Variants in ADAMTS18 observed in about 807,000 individuals in gnomAD.
ADAMTS18 encodes ADAM metallopeptidase with thrombospondin type 1 motif 18.
Under a neutral mutation model 165.9 loss-of-function variants are expected in ADAMTS18, and 157 were observed. The ratio of observed to expected loss-of-function variants is 0.95; its 90% confidence interval spans 0.83 to 1.08. The LOEUF (loss-of-function observed/expected upper bound fraction) is 1.08. ADAMTS18 is among the 50% of genes least tolerant of loss of function. The probability of loss-of-function intolerance (pLI) is 0.00; values close to 1 mark genes in which losing one functional copy is unlikely to be tolerated. For missense variants in ADAMTS18, 2,040 were observed against 1,534.0 expected (o/e 1.33, Z -5.51); for synonymous variants, 782 against 578.2 (o/e 1.35, Z -5.06).
intron 10 of ADAMTS18, among the ~76,000 whole-genome samples, chr16:77,342,537 C>A (rs969380103): frequency 6.6e-6 from 1 of 152,166 alleles, no homozygotes; most frequent in African/African-American, 2.4e-5. Context: ...GTGATCCTCC[C>A]ACCTCAGTCT....
At chr16:77,401,716 G>A (rs2057334188) in intron 3 of ADAMTS18, among the ~76,000 whole-genome samples, 2 of 152,166 alleles carry the variant, frequency 1.3e-5, no homozygotes, top group Admixed American at 6.5e-5. Context: ...AGACTAAAGA[G>A]GATTCACCCT....
intron 11 of ADAMTS18, among the ~76,000 whole-genome samples, chr16:77,336,999 C>G (rs1337329718): frequency 6.6e-6 from 1 of 152,158 alleles, no homozygotes; most frequent in East Asian, 1.9e-4. Flanking sequence ...TTCACTTATC[C>G]CCTGCGATAC....
intron 3 of ADAMTS18, among the ~76,000 whole-genome samples, chr16:77,419,362 G>A (rs2057571642): frequency 6.6e-6 from 1 of 152,198 alleles, no homozygotes; most frequent in South Asian, 2.1e-4. Context: ...TTTCCCTGCT[G>A]TCAGCTAGAG....
chr16:77,364,674 T>A (rs1597175691), intron 4 of ADAMTS18, among the ~76,000 whole-genome samples: 1 of 144,452 alleles, frequency 6.9e-6, no homozygotes, highest in Admixed American at 7.1e-5. Flanking sequence ...GGTAGGTGGG[T>A]AGAAATAAAT....
chr16:77,317,357 T>G (rs1023362122), intron 16 of ADAMTS18, among the ~76,000 whole-genome samples: 26 of 152,034 alleles, frequency 1.7e-4, no homozygotes, highest in Admixed American at 1.3e-3. Context: ...TGAGATGGAG[T>G]CTCACTCACT....
chr16:77,360,572 C>T (rs1377122371), intron 7 of ADAMTS18, among the ~76,000 whole-genome samples: 1 of 112,970 alleles, frequency 8.9e-6, no homozygotes, highest in Non-Finnish European at 2.1e-5. Context: ...TTCTCAGAAT[C>T]TCTCTTGAAA....
intron 3 of ADAMTS18, among the ~76,000 whole-genome samples, chr16:77,409,442 C>T (rs754700930): frequency 1.8e-4 from 28 of 152,100 alleles, no homozygotes; most frequent in Non-Finnish European, 2.9e-4. Context: ...GCTTATTCCA[C>T]AGAGAATAAC....
rs991225309 is a variant in ADAMTS18, at chr16:77,327,920, T to A, written c.1860-1882A>T. Among the ~76,000 whole-genome samples, 3 of 152,278 alleles carry A rather than the reference T, an allele frequency of 2.0e-5. No homozygotes were observed. The South Asian group carries it at 6.2e-4, about 32-fold the overall frequency. ...TTTGCTGCTCTCCCCAATCCAGCTG[T>A]CAGTCATAGAGATATTTTGAGTATA... On this transcript the variant is annotated intron_variant, in intron 12 of 22. Transcript: ENST00000282849.
intron 10 of ADAMTS18, among the ~76,000 whole-genome samples, chr16:77,347,904 C>G (rs2144701076): frequency 6.6e-6 from 1 of 152,134 alleles, no homozygotes; most frequent in East Asian, 1.9e-4. Context: ...CTTTAGATTT[C>G]TTATCTAGAA....
At chr16:77,306,580 GT>G (rs1173810486) in intron 16 of ADAMTS18, among the ~76,000 whole-genome samples, 1 of 151,958 alleles carries the variant, frequency 6.6e-6, no homozygotes, top group African/African-American at 2.4e-5. Flanking sequence ...TCTTCAAGAA[GT>G]TGTCCTCATT....
At position 77,377,769 on chromosome 16, in the gene ADAMTS18, A is replaced by C. The variant is rs181494057; in HGVS notation, c.496-10046T>G. Among the ~76,000 whole-genome samples, 6 of 152,326 alleles carry C rather than the reference A, an allele frequency of 3.9e-5. No homozygotes were observed. The South Asian group carries it at 1.2e-3, about 32-fold the overall frequency. Reference sequence around the variant, plus strand: ...AGTCAAGATGTCACATTCTTTAAAAATTTTTTTAAATCTAAGCAAGAACAC... The same window carrying C: ...AGTCAAGATGTCACATTCTTTAAAACTTTTTTTAAATCTAAGCAAGAACAC... On this transcript the variant is annotated intron_variant, in intron 3 of 22. Transcript: ENST00000282849.
intron 3 of ADAMTS18, among the ~76,000 whole-genome samples, chr16:77,395,274 T>C (rs2057241779): frequency 6.6e-6 from 1 of 152,190 alleles, no homozygotes. Context: ...GCCAAAGTTC[T>C]CTGGAAAACC....
chr16:77,325,104 T>C (rs1434004082), intron 13 of ADAMTS18, among the ~76,000 whole-genome samples: 2 of 152,202 alleles, frequency 1.3e-5, no homozygotes, highest in African/African-American at 4.8e-5. Context: ...GAACAGCCCA[T>C]GGATTGTCAT....
intron 12 of ADAMTS18, among the ~76,000 whole-genome samples, chr16:77,330,015 A>AT (rs1420751348): frequency 6.6e-6 from 1 of 152,188 alleles, no homozygotes; most frequent in African/African-American, 2.4e-5. Flanking sequence ...AACTATATAC[A>AT]TATACAGATT....
At chr16:77,297,900 C>A (rs1441174768) in intron 17 of ADAMTS18, among the ~76,000 whole-genome samples, 1 of 147,358 alleles carries the variant, frequency 6.8e-6, no homozygotes, top group Non-Finnish European at 1.5e-5. Flanking sequence ...ACCTATCAGC[C>A]AGGGCTCTGC....
At chr16:77,410,990 C>A (rs1436764524) in intron 3 of ADAMTS18, among the ~76,000 whole-genome samples, 2 of 152,210 alleles carry the variant, frequency 1.3e-5, no homozygotes, top group African/African-American at 2.4e-5. Context: ...TACATCTTTT[C>A]CATTGGCTCA....
chr16:77,377,110 C>T (rs556323494), intron 3 of ADAMTS18, among the ~76,000 whole-genome samples: 70 of 152,272 alleles, frequency 4.6e-4, no homozygotes, highest in African/African-American at 7.2e-4. Context: ...CCACCTCATC[C>T]GGCCTCAAGG....
At chr16:77,314,953 G>C (rs1487387849) in intron 16 of ADAMTS18, among the ~76,000 whole-genome samples, 1 of 150,328 alleles carries the variant, frequency 6.7e-6, no homozygotes, top group African/African-American at 2.4e-5. Flanking sequence ...AAGTGACACA[G>C]AGATTAAGAA....
intron 3 of ADAMTS18, among the ~76,000 whole-genome samples, chr16:77,383,903 G>T (rs998168355): frequency 2.6e-5 from 4 of 152,102 alleles, no homozygotes; most frequent in Non-Finnish European, 5.9e-5. Context: ...AAGGTCACCT[G>T]TTCAAAGCAT....
Sources: allele counts gnomAD v4.1 joint callset (sites outside exome capture counted in the v4.1 genomes callset), GRCh38; gene constraint gnomAD v4.1.1; transcripts MANE v1.5; gene names NCBI Gene and HGNC (gene_info 2026-07-23, HGNC 2026-07-21).